POLH: variants seen among roughly 807,000 people sequenced by gnomAD.
POLH encodes DNA polymerase eta transcript.
In POLH, 53 loss-of-function variants were observed where a neutral mutation model predicts 73.6. The observed-to-expected ratio is 0.72, with a 90% CI of 0.58 to 0.91. The LOEUF (loss-of-function observed/expected upper bound fraction) is 0.91. POLH is among the 40% of genes least tolerant of loss of function. The pLI is 0.00. For synonymous variants in POLH, 292 were observed against 308.5 expected (o/e 0.95, Z 0.56); for missense variants, 768 against 865.4 (o/e 0.89, Z 1.41).
At chr6:43,581,740 G>A (rs1052873323) in intron 1 of POLH, among the ~76,000 whole-genome samples, 4 of 148,570 alleles carry the variant, frequency 2.7e-5, no homozygotes, top group Non-Finnish European at 6.0e-5. Flanking sequence ...TGGGGCCCGC[G>A]GGCGTCAGCG....
At chr6:43,589,637 CT>C (rs1023985234) in intron 4 of POLH, among the ~76,000 whole-genome samples, 153 of 139,904 alleles carry the variant, frequency 1.1e-3, no homozygotes, top group Admixed American at 1.0e-3. Context: ...AGTTCCTTGT[CT>C]TTTTTTTTTT....
At chr6:43,585,634 TTTC>T (rs1367185897) in intron 3 of POLH, among the ~76,000 whole-genome samples, 37 of 143,412 alleles carry the variant, frequency 2.6e-4, no homozygotes, top group African/African-American at 1.0e-3. Context: ...TGCTCTTTCT[TTTC>T]TTTTTTTTTT....
At position 43,601,057 on chromosome 6, in the gene POLH, C is replaced by G. The variant is rs1766682364; in HGVS notation, c.730C>G (p.Pro244Ala). Residue 244 changes from proline (P) to alanine (A), a missense_variant, in exon 6 of 11, where the codon CCA becomes GCA. Coordinates refer to ENST00000372236, the MANE Select transcript of POLH (RefSeq NM_006502.3). ...AACCCTGGTTTCACATGGGTCAGTC[C>G]CACAGCTCTTCAGCCAAATGCCCAT... ...RQTLVSHGSV[P>A]QLFSQMPIRK... 1 of 1,613,944 alleles carries G rather than the reference C, an allele frequency of 6.2e-7. No homozygotes were observed. The highest frequency in any genetic ancestry group is 8.5e-7 in the Non-Finnish European group (1 of 1,179,868).
At chr6:43,604,501 G>T in intron 7 of POLH, 114 bp from the exon 8 acceptor site, 1 of 1,215,148 alleles carries the variant, frequency 8.2e-7, no homozygotes. Flanking sequence ...TTTTGGACAA[G>T]GTTTTCCTTT....
chr6:43,582,299 A>G lies in POLH; in HGVS notation c.-4-17A>G. On this transcript the variant is annotated splice_polypyrimidine_tract_variant and intron_variant, in intron 1 of 10. Transcript: ENST00000372236. ...ATTAGGTGTTTTTCTAACTGTCCAT[A>G]AAATGTTGTGTTACAGAAAAATGGC... 6.2e-7 allele frequency: 1 copy of G among 1,613,088 alleles called. No homozygotes were observed. The highest frequency in any genetic ancestry group is 8.5e-7 in the Non-Finnish European group (1 of 1,179,056).
At chr6:43,585,223 C>A (rs1216878544) in intron 3 of POLH, among the ~76,000 whole-genome samples, 1 of 152,156 alleles carries the variant, frequency 6.6e-6, no homozygotes, top group Non-Finnish European at 1.5e-5. Context: ...CTTTCATGCC[C>A]TCCCTGGGTG....
In POLH at chr6:43,604,663, A is replaced by T; in HGVS notation, c.933A>T (p.Lys311Asn). 2.5e-6 allele frequency: 4 copies of T among 1,614,052 alleles called. No homozygotes were observed. Among genetic ancestry groups the T allele is most frequent in the Non-Finnish European group, 3.4e-6 (4 of 1,179,932 alleles). The change falls in exon 8 of 11, where the codon AAA becomes AAT. Residue 311 changes from lysine (K) to asparagine (N), a missense_variant. Coordinates refer to ENST00000372236, the MANE Select transcript of POLH (RefSeq NM_006502.3). ...GAGGGATTGAACATGATCCAGTTAA[A>T]CCCAGGCAACTACCCAAAACCATTG... ...MCRGIEHDPV[K>N]PRQLPKTIGC...
Position 43,615,914 on chromosome 6 carries a change from G to A in POLH, c.*1357G>A, listed in dbSNP as rs9333564. Among the ~76,000 whole-genome samples the A allele has an allele frequency of 2.1e-3, 314 of 151,966 alleles. 2 individuals are homozygous for A. The highest frequency in any genetic ancestry group is 6.8e-3 in the African/African-American group (281 of 41,502). On this transcript the variant is annotated 3_prime_UTR_variant, in exon 11 of 11. Coordinates refer to ENST00000372236, the MANE Select transcript of POLH (RefSeq NM_006502.3). ...TCTCGATTGCTTGACCTCATGATCC[G>A]CCTGCCTCGACCTCCCAAAGTTGCT...
chr6:43,582,937 G>A, intron 2 of POLH, 70 bp from the exon 3 acceptor site: 1 of 1,328,056 alleles, frequency 7.5e-7, no homozygotes, highest in East Asian at 2.3e-5. Context: ...GATTACTTGT[G>A]TTAAATGTTA....
rs1767146253 is a variant in POLH at position 43,605,257 on chromosome 6, C to G, written c.1012C>G (p.Gln338Glu). Reference sequence around the variant, plus strand: ...TAAAGTCTCAATACTTTTTTAGGTACAATGGTGGCTGTTGCAATTAGCCCA... The same window carrying G: ...TAAAGTCTCAATACTTTTTTAGGTAGAATGGTGGCTGTTGCAATTAGCCCA... ...KTALATREQV[Q>E]WWLLQLAQEL... The change falls in exon 9 of 11, where the codon CAA becomes GAA. Residue 338 changes from glutamine (Q) to glutamate (E), a missense_variant. Coordinates refer to ENST00000372236, the MANE Select transcript of POLH (RefSeq NM_006502.3). 5 of 1,561,144 alleles carry G rather than the reference C, an allele frequency of 3.2e-6. 1 individual carries two copies. Among genetic ancestry groups the G allele is most frequent in the Non-Finnish European group, 4.4e-6 (5 of 1,132,222 alleles).
chr6:43,580,877 T>C (rs1764048695), intron 1 of POLH, among the ~76,000 whole-genome samples: 2 of 143,038 alleles, frequency 1.4e-5, no homozygotes, highest in Admixed American at 6.9e-5. Flanking sequence ...ACGGGGCGGC[T>C]GGCCGGGCGG....
intron 1 of POLH, among the ~76,000 whole-genome samples, chr6:43,580,387 C>T (rs1763915184): frequency 6.7e-6 from 1 of 148,936 alleles, no homozygotes; most frequent in Non-Finnish European, 1.5e-5. Flanking sequence ...CACAAAGCCG[C>T]CATTGTCATC....
At chr6:43,612,131 T>C (rs1413975078) in intron 10 of POLH, among the ~76,000 whole-genome samples, 1 of 152,172 alleles carries the variant, frequency 6.6e-6, no homozygotes, top group African/African-American at 2.4e-5. Flanking sequence ...TAATACTTCC[T>C]GATATATTTA....
At chr6:43,577,866 C>T (rs1319768661) in intron 1 of POLH, among the ~76,000 whole-genome samples, 1 of 151,408 alleles carries the variant, frequency 6.6e-6, no homozygotes, top group Non-Finnish European at 1.5e-5. Context: ...GGGCGGATCA[C>T]GAGGTCAGGA....
At chr6:43,601,710 G>C (rs1179250359) in intron 6 of POLH, among the ~76,000 whole-genome samples, 2 of 152,082 alleles carry the variant, frequency 1.3e-5, no homozygotes, top group African/African-American at 4.8e-5. Context: ...GATCGCTTGA[G>C]CCCAGGAGGT....
intron 9 of POLH, 91 bp downstream of exon 9, chr6:43,605,410 A>G: frequency 4.1e-6 from 3 of 732,550 alleles, no homozygotes; most frequent in Non-Finnish European, 7.5e-6. Flanking sequence ...AAGACAGAAA[A>G]AAGTATTAGC....
rs1284207479 is a variant in POLH at position 43,615,780 on chromosome 6, C to T, written c.*1223C>T. On this transcript the variant is annotated 3_prime_UTR_variant, in exon 11 of 11. Transcript: ENST00000372236. ...CTCCGTCTCCTGGGTTCAAGCAATT[C>T]TCCTGCCTCAGCCTCCCAAGTAGCT... The T allele has an allele frequency of 6.6e-6, 1 of 151,768 alleles. No homozygotes were observed. The highest frequency in any genetic ancestry group is 1.5e-5 in the Non-Finnish European group (1 of 68,022). 9.4% of individuals were successfully genotyped at this position (151,768 alleles called of 1,614,324 possible). A position where few individuals can be genotyped will look rare whatever the true frequency, so the allele number is the denominator to read the frequency against.
chr6:43,610,533 C>A, intron 9 of POLH, 21 bp from the exon 10 acceptor site: 1 of 1,610,498 alleles, frequency 6.2e-7, no homozygotes, highest in East Asian at 2.2e-5. Context: ...TATTTCTGGT[C>A]TCCATCCTTT....
Position 43,601,028 on chromosome 6 carries a change from G to T in POLH, c.701G>T (p.Arg234Leu). 6.2e-7 allele frequency: 1 copy of T among 1,614,064 alleles called. No homozygotes were observed. Among genetic ancestry groups the T allele is most frequent in the Non-Finnish European group, 8.5e-7 (1 of 1,179,990 alleles). The change falls in exon 6 of 11, where the codon CGC becomes CTC. Residue 234 changes from arginine (R) to leucine (L), a missense_variant. By Grantham distance (102) the Arg-to-Leu change is moderately radical. Transcript: ENST00000372236. ...GCCTGTGGACTAAACAAGCCCAACC[G>T]CCAAACCCTGGTTTCACATGGGTCA... ...KLACGLNKPN[R>L]QTLVSHGSVP...
Sources: gnomAD v4.1 joint callset for allele counts (sites outside exome capture counted in the v4.1 genomes callset) on GRCh38, gnomAD v4.1.1 for gene constraint, MANE v1.5 for transcripts, NCBI Gene and HGNC (gene_info 2026-07-23, HGNC 2026-07-21) for gene names.